UBR4: variants seen among roughly 807,000 people sequenced by gnomAD.
The protein encoded by UBR4 is ubiquitin protein ligase E3 component n-recognin 4.
A neutral mutation model predicts 575.6 loss-of-function variants in UBR4; 124 were observed. The ratio of observed to expected loss-of-function variants is 0.22; its 90% CI spans 0.19 to 0.25. The LOEUF (loss-of-function observed/expected upper bound fraction) is 0.25, where lower values mean the gene tolerates loss of function less well. UBR4 is among the 10% of genes least tolerant of loss of function. The pLI is 1.00. For missense variants in UBR4, 4,818 were observed against 6,478.8 expected (o/e 0.74, Z 8.80); for synonymous variants, 2,455 against 2,473.7 (o/e 0.99, Z 0.22).
chr1:19,128,872 C>G (rs1247886041), intron 61 of UBR4, 106 bp downstream of exon 61: 3 of 934,066 alleles, frequency 3.2e-6, no homozygotes, highest in Non-Finnish European at 3.4e-6. Context: ...TATTCTGTGG[C>G]CTAACACCAA....
chr1:19,143,236 CAGGA>C (rs1176780647), intron 55 of UBR4, among the ~76,000 whole-genome samples: 28 of 83,072 alleles, frequency 3.4e-4, no homozygotes, highest in Non-Finnish European at 4.3e-4. Context: ...GGAAGGAAGG[CAGGA>C]AGGAAGGAAG....
rs773137152 is a variant in UBR4, at chr1:19,088,737, G to A, written c.14430+22C>T. 7 of 1,611,160 alleles carry A rather than the reference G, an allele frequency of 4.3e-6. No individual in the cohort carries two copies. The highest frequency in any genetic ancestry group is 5.9e-6 in the Non-Finnish European group (7 of 1,178,998). ...ATCAACAGTGTGGGCAGAAATATGG[G>A]GACTCTAGGTGGTAGCTTTACCGTC... is the stretch of plus-strand genomic sequence containing the variant. On this transcript the variant is annotated intron_variant, in intron 98 of 105. Coordinates refer to ENST00000375254, the MANE Select transcript of UBR4 (RefSeq NM_020765.3). This position sits in a 1 kb window ranked among gnomAD's most constrained non-coding sequence, Gnocchi z 4.0.
Position 19,150,724 on chromosome 1 carries a change from T to C in UBR4, c.7283A>G (p.Glu2428Gly). 1 of 1,613,976 alleles carries C rather than the reference T, an allele frequency of 6.2e-7. No individual in the cohort carries two copies. Among genetic ancestry groups the C allele is most frequent in the Non-Finnish European group, 8.5e-7 (1 of 1,179,966 alleles). Residue 2428 changes from glutamate to glycine, a missense_variant, in exon 49 of 106, where the codon GAG becomes GGG. This residue lies in a region of UBR4 where 340 missense variants were observed against 375.4 expected (regional missense o/e 0.91). Coordinates refer to ENST00000375254, the MANE Select transcript of UBR4 (RefSeq NM_020765.3). The part of the protein sequence containing the change: ...DAVKIYGKTK[E>G]QFGWPDEPPE... ...GGGCTCATCAGGCCAGCCAAACTGC[T>C]CCTTAGTCTTGCCATAAATTTTTAC...
chr1:19,100,953 T>G lies in UBR4; in HGVS notation c.13024-380A>C, dbSNP rs555020301. ...TGGGGCCAGAGGACTTTGTCACTGA[T>G]GACCCTGAAGTCAAGAAAAGGGCTT... On this transcript the variant is annotated intron_variant, in intron 88 of 105. Coordinates refer to ENST00000375254, the MANE Select transcript of UBR4 (RefSeq NM_020765.3). The surrounding 1 kb of genome is among the most constrained non-coding windows in gnomAD (Gnocchi z 4.2). Among the ~76,000 whole-genome samples, 587 of 152,208 alleles carry G rather than the reference T, an allele frequency of 3.9e-3. 4 individuals carry two copies. Among genetic ancestry groups the G allele is most frequent in the Middle Eastern group, 0.017 (5 of 294 alleles).
chr1:19,101,205 G>A (rs900190177), intron 88 of UBR4, among the ~76,000 whole-genome samples: 3 of 152,160 alleles, frequency 2.0e-5, no homozygotes, highest in Non-Finnish European at 2.9e-5. Context: ...GCTCAATACC[G>A]CTTCTTCCAC....
chr1:19,136,645 T>C (rs1557731944), intron 60 of UBR4, among the ~76,000 whole-genome samples: 1 of 152,204 alleles, frequency 6.6e-6, no homozygotes, highest in Non-Finnish European at 1.5e-5. Context: ...ATTCCAAATC[T>C]GTTAGCAATC....
chr1:19,174,004 A>G (rs554383893), intron 22 of UBR4, among the ~76,000 whole-genome samples: 3 of 152,318 alleles, frequency 2.0e-5, no homozygotes, highest in Admixed American at 6.5e-5. Flanking sequence ...ACATTAACAG[A>G]GCCATGGAAA....
At chr1:19,181,303 A>G (rs1424177696) in intron 17 of UBR4, among the ~76,000 whole-genome samples, 1 of 152,090 alleles carries the variant, frequency 6.6e-6, no homozygotes, top group East Asian at 1.9e-4. Context: ...TGAGGGCAAG[A>G]GTACTGCTTG....
At position 19,121,297 on chromosome 1, in the gene UBR4, C is replaced by A; in HGVS notation, c.10033G>T (p.Ala3345Ser). The change falls in exon 68 of 106, where the codon GCT (alanine) becomes TCT (serine). Residue 3345 changes from alanine (A) to serine (S), a missense_variant. Around this residue, in one of 29 missense-constraint regions of UBR4, gnomAD observed 550 missense variants for 791.5 expected, o/e 0.69. Coordinates refer to ENST00000375254, the MANE Select transcript of UBR4 (RefSeq NM_020765.3). Reference sequence around the variant, plus strand: ...GCCACAGGGGCTGAGGAGGAAGAAGCACTGGAGGATCCCGAAGAGGCTGCC... The same window carrying A: ...GCCACAGGGGCTGAGGAGGAAGAAGAACTGGAGGATCCCGAAGAGGCTGCC... Reference protein sequence around the residue: ...ALAASSGSSSASSSSAPVAAS... With the variant: ...ALAASSGSSSSSSSSAPVAAS... 1 of 1,614,176 alleles carries A rather than the reference C, an allele frequency of 6.2e-7. No homozygotes were observed. Among genetic ancestry groups the A allele is most frequent in the Non-Finnish European group, 8.5e-7 (1 of 1,180,018 alleles).
At position 19,110,300 on chromosome 1, in the gene UBR4, G is replaced by A; in HGVS notation, c.11978-77C>T. The A allele has an allele frequency of 6.2e-7, 1 of 1,613,024 alleles. No homozygotes were observed. Among genetic ancestry groups the A allele is most frequent in the Non-Finnish European group, 8.5e-7 (1 of 1,179,138 alleles). The stretch of plus-strand genomic sequence containing the variant: ...CTCTGCAGAGGCCGCCCAAGCATCA[G>A]TTTCCCTCCTCCCCTCCCAGTCCGG... On this transcript the variant is annotated intron_variant, in intron 80 of 105. Transcript: ENST00000375254. This position sits in a 1 kb window ranked among gnomAD's most constrained non-coding sequence, Gnocchi z 4.5.
chr1:19,209,978 G>A, intron 1 of UBR4, 95 bp downstream of exon 1: 1 of 1,386,288 alleles, frequency 7.2e-7, no homozygotes, highest in South Asian at 1.6e-5. Context: ...ATCCTCAAGG[G>A]GGCAGGGGGC....
At chr1:19,175,500 A>T (rs1468512814) in intron 20 of UBR4, among the ~76,000 whole-genome samples, 2 of 152,244 alleles carry the variant, frequency 1.3e-5, no homozygotes, top group Non-Finnish European at 2.9e-5. Context: ...CACACTTAAC[A>T]TCTAATAATC....
chr1:19,207,618 G>C (rs2093074883), intron 1 of UBR4, among the ~76,000 whole-genome samples: 1 of 152,158 alleles, frequency 6.6e-6, no homozygotes. Context: ...GACACAGCAA[G>C]ACTCTGTCTC....
chr1:19,093,253 G>A lies in UBR4; in HGVS notation c.14111+60C>T, dbSNP rs1273584181. 5.1e-6 allele frequency: 8 copies of A among 1,573,254 alleles called. No homozygotes were observed. In the Admixed American group the frequency reaches 1.4e-4, roughly 28 times the overall value. On this transcript the variant is annotated intron_variant, in intron 96 of 105. Coordinates refer to ENST00000375254, the MANE Select transcript of UBR4 (RefSeq NM_020765.3). The surrounding 1 kb of genome is among the most constrained non-coding windows in gnomAD (Gnocchi z 4.8). ...AGCTTTATGCCAAGATGCTGATGGAGAAGGAAAAGGAAAGGGCAAAGCGAA... is the reference window on the plus strand; with the variant it reads ...AGCTTTATGCCAAGATGCTGATGGAAAAGGAAAAGGAAAGGGCAAAGCGAA...
In UBR4 at chr1:19,157,575, C is replaced by T. The variant is rs75708677; in HGVS notation, c.5760+240G>A. Among the ~76,000 whole-genome samples the T allele has an allele frequency of 8.1e-3, 1,241 of 152,276 alleles. 8 individuals carry two copies. Among genetic ancestry groups the T allele is most frequent in the Non-Finnish European group, 0.014 (975 of 68,006 alleles). ...TTTTTCCTGAGGGCTTTGAAGAATA[C>T]GTTTTGAGTGGAAATTTACTAATTA... On this transcript the variant is annotated intron_variant, in intron 40 of 105. Transcript: ENST00000375254. This position sits in a 1 kb window ranked among gnomAD's most constrained non-coding sequence, Gnocchi z 4.4.
chr1:19,186,599 G>A lies in UBR4; in HGVS notation c.1691C>T (p.Thr564Ile). The A allele has an allele frequency of 6.2e-7, 1 of 1,614,154 alleles. No homozygotes were observed. The highest frequency in any genetic ancestry group is 8.5e-7 in the Non-Finnish European group (1 of 1,180,008). ...GSMSSDASASTDSNTYYEDDF... is the reference protein window; with the variant it reads ...GSMSSDASASIDSNTYYEDDF... ...GTCCTCATAGTAAGTATTGGAGTCG[G>A]TGGAGGCGCTGGCATCGCTGCTCAT... Residue 564 changes from threonine (T) to isoleucine (I), a missense_variant, in exon 14 of 106, where the codon ACC becomes ATC. Physicochemically the swap from Thr to Ile is moderately conservative, Grantham distance 89. This residue lies in a region of UBR4 where 162 missense variants were observed against 216.4 expected (regional missense o/e 0.75). Coordinates refer to ENST00000375254, the MANE Select transcript of UBR4 (RefSeq NM_020765.3).
chr1:19,118,882 T>C lies in UBR4; in HGVS notation c.10531A>G (p.Asn3511Asp), dbSNP rs113365094. 4 of 1,614,128 alleles carry C rather than the reference T, an allele frequency of 2.5e-6. No homozygotes were observed. The highest frequency in any genetic ancestry group is 2.2e-5 in the South Asian group (2 of 91,084). ...NHILTNHPNS[N>D]IYNTLSGLVE... ...CAAAACAAAGCTCACTTATAAATGT[T>C]CGAGTTGGGGTGGTTGGTAAGAATA... is the stretch of plus-strand genomic sequence containing the variant. Residue 3511 changes from asparagine (N) to aspartate (D), a missense_variant, in exon 71 of 106, where the codon AAC (asparagine) becomes GAC (aspartate). By Grantham distance (23) the Asn-to-Asp change is conservative (BLOSUM62 1). Around this residue, in one of 29 missense-constraint regions of UBR4, gnomAD observed 550 missense variants for 791.5 expected, o/e 0.69. Coordinates refer to ENST00000375254, the MANE Select transcript of UBR4 (RefSeq NM_020765.3).
chr1:19,189,419 G>A (rs2091860518), intron 11 of UBR4, among the ~76,000 whole-genome samples: 2 of 152,288 alleles, frequency 1.3e-5, no homozygotes, highest in East Asian at 1.9e-4. Flanking sequence ...CTAAATAAGC[G>A]CTTAGCAATA....
At chr1:19,159,358 A>G (rs1030695914) in intron 39 of UBR4, among the ~76,000 whole-genome samples, 5 of 152,220 alleles carry the variant, frequency 3.3e-5, no homozygotes, top group Non-Finnish European at 5.9e-5. Flanking sequence ...TGTGACATGA[A>G]AAACTAAAGG....
Sources: allele counts gnomAD v4.1 joint callset (sites outside exome capture counted in the v4.1 genomes callset), GRCh38; gene constraint gnomAD v4.1.1; regional missense constraint gnomAD v4.1.1; non-coding constraint Gnocchi (gnomAD v3.1); transcripts MANE v1.5; gene names NCBI Gene and HGNC (gene_info 2026-07-23, HGNC 2026-07-21).